RAB3C: variants seen among roughly 807,000 people sequenced by gnomAD.
RAB3C encodes ras-related protein Rab-3C.
RAB3C carries 17 observed loss-of-function variants against 26.4 expected under a neutral mutation model. The observed-to-expected ratio is 0.64, with a 90% confidence interval of 0.44 to 0.97. The LOEUF (loss-of-function observed/expected upper bound fraction) is 0.97. Ranked by LOEUF, RAB3C falls within the 50% of genes least tolerant of loss-of-function variation. The pLI is 0.00. For synonymous variants in RAB3C, 91 were observed against 95.9 expected, an observed-to-expected ratio of 0.95 and a Z score of 0.30; for missense variants, 242 against 281.9, an observed-to-expected ratio of 0.86 and a Z score of 1.01.
At chr5:58,655,789 CTTT>C (rs34352086) in intron 2 of RAB3C, among the ~76,000 whole-genome samples, 1 of 91,604 alleles carries the variant, frequency 1.1e-5, no homozygotes, top group Non-Finnish European at 2.0e-5. Context: ...AAACCTAACT[CTTT>C]TTTTTTTTTT....
chr5:58,591,840 C>A (rs1010125904), intron 1 of RAB3C, among the ~76,000 whole-genome samples: 4 of 144,998 alleles, frequency 2.8e-5, no homozygotes, highest in African/African-American at 1.0e-4. Flanking sequence ...TTCTTTTTTG[C>A]TTAATTACAT....
chr5:58,701,784 C>T (rs1044884178), intron 2 of RAB3C, among the ~76,000 whole-genome samples: 48 of 152,144 alleles, frequency 3.2e-4, no homozygotes, highest in African/African-American at 1.2e-3. Context: ...CTTTTGTTTT[C>T]ACCTCTTCTC....
chr5:58,602,326 G>A (rs1746474814), intron 1 of RAB3C, among the ~76,000 whole-genome samples: 1 of 152,150 alleles, frequency 6.6e-6, no homozygotes, highest in Non-Finnish European at 1.5e-5. Flanking sequence ...GTATTCTGCA[G>A]TTGTTGGATG....
intron 2 of RAB3C, among the ~76,000 whole-genome samples, chr5:58,692,416 T>TA (rs1748589611): frequency 6.6e-6 from 1 of 152,134 alleles, no homozygotes; most frequent in Admixed American, 6.5e-5. Flanking sequence ...TAGGTAATGA[T>TA]ATCTTTTGCC....
intron 4 of RAB3C, among the ~76,000 whole-genome samples, chr5:58,838,766 C>T (rs2675374): frequency 0.58 from 88,351 of 151,966 alleles, 25,922 homozygotes; most frequent in Middle Eastern, 0.71. Context: ...GTCTGGATGA[C>T]CCAATGCTGA....
chr5:58,625,772 G>A (rs904724885), intron 2 of RAB3C, among the ~76,000 whole-genome samples: 3 of 151,416 alleles, frequency 2.0e-5, no homozygotes, highest in Non-Finnish European at 4.4e-5. Context: ...CAGGAGAATC[G>A]CTTGAACCTG....
At chr5:58,819,800 A>C (rs193075856) in intron 3 of RAB3C, among the ~76,000 whole-genome samples, 11 of 152,210 alleles carry the variant, frequency 7.2e-5, no homozygotes, top group Admixed American at 1.3e-4. Flanking sequence ...AATTGCTTGA[A>C]ACTGGAAGGC....
chr5:58,651,860 C>T (rs557043418), intron 2 of RAB3C, among the ~76,000 whole-genome samples: 16 of 152,276 alleles, frequency 1.1e-4, no homozygotes, highest in African/African-American at 2.6e-4. Context: ...TTACATATAA[C>T]GTACGCACAT....
At chr5:58,782,322 C>T (rs1742289005) in intron 3 of RAB3C, among the ~76,000 whole-genome samples, 1 of 152,088 alleles carries the variant, frequency 6.6e-6, no homozygotes, top group African/African-American at 2.4e-5. Flanking sequence ...GGTATGATGC[C>T]TTAAACTCCC....
chr5:58,712,716 G>C (rs868238648), intron 2 of RAB3C, among the ~76,000 whole-genome samples: 2 of 152,220 alleles, frequency 1.3e-5, no homozygotes, highest in South Asian at 4.2e-4. Context: ...GTAGAGACAG[G>C]GTTTCACCAT....
At chr5:58,712,253 A>G (rs1033568128) in intron 2 of RAB3C, among the ~76,000 whole-genome samples, 3 of 151,936 alleles carry the variant, frequency 2.0e-5, no homozygotes, top group African/African-American at 7.3e-5. Flanking sequence ...TGGGAAATAG[A>G]AATTTTCTGA....
intron 2 of RAB3C, among the ~76,000 whole-genome samples, chr5:58,640,016 A>G (rs1438296341): frequency 1.3e-5 from 2 of 152,180 alleles, no homozygotes; most frequent in African/African-American, 2.4e-5. Context: ...TAAATGTACT[A>G]GGGAAGCTTA....
intron 4 of RAB3C, among the ~76,000 whole-genome samples, chr5:58,844,294 C>G (rs971374454): frequency 6.6e-6 from 1 of 152,194 alleles, no homozygotes; most frequent in East Asian, 1.9e-4. Flanking sequence ...TTTCAGAATT[C>G]TAACAGAAGT....
At chr5:58,805,635 AAGAG>A (rs1742925103) in intron 3 of RAB3C, among the ~76,000 whole-genome samples, 1 of 151,898 alleles carries the variant, frequency 6.6e-6, no homozygotes, top group African/African-American at 2.4e-5. Flanking sequence ...AAAGGAAAGA[AAGAG>A]ATAGTATTCA....
chr5:58,615,623 G>T (rs563313702), intron 1 of RAB3C, among the ~76,000 whole-genome samples: 3 of 152,096 alleles, frequency 2.0e-5, no homozygotes, highest in Non-Finnish European at 4.4e-5. Context: ...CTTAGTATGT[G>T]GGCTGGTGGG....
At chr5:58,606,492 C>G (rs534975257) in intron 1 of RAB3C, among the ~76,000 whole-genome samples, 5 of 152,352 alleles carry the variant, frequency 3.3e-5, no homozygotes, top group East Asian at 1.9e-4. Context: ...GCAGCAGAAA[C>G]TTCTGCAGAC....
intron 2 of RAB3C, among the ~76,000 whole-genome samples, chr5:58,629,261 C>G (rs1374300624): frequency 6.6e-6 from 1 of 151,896 alleles, no homozygotes; most frequent in African/African-American, 2.4e-5. Flanking sequence ...GCCCAAATAT[C>G]TGGGATTCAG....
chr5:58,657,975 A>G (rs540857556), intron 2 of RAB3C, among the ~76,000 whole-genome samples: 3 of 152,316 alleles, frequency 2.0e-5, no homozygotes, highest in South Asian at 4.1e-4. Context: ...AATAAAAATT[A>G]GCTACGTTTT....
intron 4 of RAB3C, among the ~76,000 whole-genome samples, chr5:58,839,899 T>C (rs962441488): frequency 8.6e-5 from 13 of 151,802 alleles, no homozygotes; most frequent in African/African-American, 2.4e-4. Flanking sequence ...GTATAATATT[T>C]GTGGTTGGGA....
Sources: allele counts gnomAD v4.1 joint callset (sites outside exome capture counted in the v4.1 genomes callset), GRCh38; gene constraint gnomAD v4.1.1; transcripts MANE v1.5; gene names NCBI Gene and HGNC (gene_info 2026-07-23, HGNC 2026-07-21).